The following NOVA2 variants were observed in gnomAD, a reference collection of about 807,000 sequenced individuals.
The protein encoded by NOVA2 is NOVA alternative splicing regulator 2, also known as RNA-binding protein Nova-2.
In NOVA2, 9 loss-of-function variants were observed where a neutral mutation model predicts 22.5. That is an observed-to-expected ratio of 0.40 (90% CI 0.24 to 0.70). NOVA2 has a LOEUF of 0.70. NOVA2 is among the 30% of genes least tolerant of loss of function. NOVA2 has a pLI of 0.38. For missense variants in NOVA2, 383 were observed against 682.8 expected (o/e 0.56, Z 4.89); for synonymous variants, 318 against 335.2 (o/e 0.95, Z 0.56).
At chr19:45,956,534 G>C (rs1321666935) in intron 2 of NOVA2, among the ~76,000 whole-genome samples, 1 of 151,678 alleles carries the variant, frequency 6.6e-6, no homozygotes, top group African/African-American at 2.4e-5. Flanking sequence ...GCAGCGGTGC[G>C]ATCTCAGATC....
At chr19:45,947,612 T>C (rs896019567) in intron 3 of NOVA2, among the ~76,000 whole-genome samples, 2 of 152,088 alleles carry the variant, frequency 1.3e-5, no homozygotes, top group Non-Finnish European at 2.9e-5. Context: ...TAGCTAGGAT[T>C]ACAGGCACCC....
rs1967639672 is a variant in NOVA2, at chr19:45,935,189, G to C, written c.*4674C>G. On this transcript the variant is annotated 3_prime_UTR_variant, in exon 4 of 4. Coordinates refer to ENST00000263257, the MANE Select transcript of NOVA2 (RefSeq NM_002516.4). Reference sequence around the variant, plus strand: ...AGTCCCCCCCCAGTTATCTCTGGGAGACAAGTGTCCTGGACTGGTTGAGAA... The same window carrying C: ...AGTCCCCCCCCAGTTATCTCTGGGACACAAGTGTCCTGGACTGGTTGAGAA... 6.6e-6 allele frequency: 1 copy of C among 151,906 alleles called. No individual in the cohort carries two copies. Among genetic ancestry groups the C allele is most frequent in the African/African-American group, 2.4e-5 (1 of 41,274 alleles). The allele number at this position is 151,906 out of a possible 1,614,324, so 9.4% of individuals were successfully genotyped here. A position where few individuals can be genotyped will look rare whatever the true frequency, so the allele number is the denominator to read the frequency against.
At position 45,940,417 on chromosome 19, in the gene NOVA2, G is replaced by A. The variant is rs1967731956; in HGVS notation, c.925C>T (p.Leu309=). The part of the protein sequence containing the change: ...GLNSAAASGV[L]AAVAAGANPA... ...TTGGCCCCGGCGGCCACGGCGGCCA[G>A]GACGCCGGAAGCTGCGGCCGAGTTG... The change falls in exon 4 of 4, where the codon CTG becomes TTG. Residue 309 remains leucine (L), a synonymous_variant. Coordinates refer to ENST00000263257, the MANE Select transcript of NOVA2 (RefSeq NM_002516.4). 7 of 1,481,542 alleles carry A rather than the reference G, an allele frequency of 4.7e-6. No individual in the cohort carries two copies. The highest frequency in any genetic ancestry group is 1.5e-5 in the African/African-American group (1 of 67,602). 91.8% of individuals were successfully genotyped at this position (1,481,542 alleles called of 1,614,324 possible).
At chr19:45,955,277 G>A (rs1049414116) in intron 2 of NOVA2, among the ~76,000 whole-genome samples, 7 of 152,120 alleles carry the variant, frequency 4.6e-5, no homozygotes, top group African/African-American at 1.7e-4. Flanking sequence ...TGACCAGTGT[G>A]AATATACACA....
intron 1 of NOVA2, among the ~76,000 whole-genome samples, chr19:45,969,823 T>C (rs1167921617): frequency 2.6e-5 from 4 of 152,168 alleles, no homozygotes; most frequent in Non-Finnish European, 5.9e-5. Flanking sequence ...CTTAGTGCCT[T>C]GTTTTCCTCC....
In NOVA2 at chr19:45,944,986, C is replaced by T. The variant is rs117642056; in HGVS notation, c.397-4041G>A. On this transcript the variant is annotated intron_variant, in intron 3 of 3. Coordinates refer to ENST00000263257, the MANE Select transcript of NOVA2 (RefSeq NM_002516.4). ...GAGAGGGTGAGCTGAGGTGGGAGAT[C>T]GAGGGGTCATAGCTAAGATGATCAA... Among the ~76,000 whole-genome samples the T allele has an allele frequency of 3.0e-4, 45 of 151,734 alleles. 1 individual carries two copies. In the East Asian group the frequency reaches 8.1e-3, roughly 27 times the overall value.
chr19:45,951,515 G>C (rs1239903735), intron 3 of NOVA2, among the ~76,000 whole-genome samples: 1 of 152,066 alleles, frequency 6.6e-6, no homozygotes, highest in Admixed American at 6.6e-5. Context: ...CTACTTGGGA[G>C]GCCAAGGCAG....
chr19:45,943,086 C>G (rs1466616499), intron 3 of NOVA2, among the ~76,000 whole-genome samples: 1 of 145,530 alleles, frequency 6.9e-6, no homozygotes, highest in Non-Finnish European at 1.5e-5. Flanking sequence ...CGGAGTCTCA[C>G]TGTGTCACCC....
At chr19:45,950,760 ATAC>A (rs150093903) in intron 3 of NOVA2, among the ~76,000 whole-genome samples, 3,657 of 152,256 alleles carry the variant, frequency 0.024, 103 homozygotes, top group East Asian at 0.15. Flanking sequence ...AAATTTGCAA[ATAC>A]TACTACTACC....
In NOVA2 at chr19:45,973,364, G is replaced by GGGC. The variant is rs1419691548; in HGVS notation, c.-16_-14dup. 1.0e-6 allele frequency: 1 copy of GGGC among 985,294 alleles called. No individual in the cohort carries two copies. Among genetic ancestry groups the GGGC allele is most frequent in the South Asian group, 4.5e-5 (1 of 22,188 alleles). The allele number at this position is 985,294 out of a possible 1,614,324, so 61.0% of individuals were successfully genotyped here. On this transcript the variant is annotated 5_prime_UTR_variant, in exon 1 of 4. Coordinates refer to ENST00000263257, the MANE Select transcript of NOVA2 (RefSeq NM_002516.4). ...CCTCGGGCTCCATGGGGGGGGCCTG[G>GGGC]GGCGGCGGCTGCTGCTGCTGCGGCG...
intron 2 of NOVA2, among the ~76,000 whole-genome samples, chr19:45,954,945 G>C (rs1049942202): frequency 6.6e-6 from 1 of 151,662 alleles, no homozygotes; most frequent in African/African-American, 2.4e-5. Flanking sequence ...AGAAGATAAA[G>C]TGCAGAGACT....
intron 3 of NOVA2, among the ~76,000 whole-genome samples, chr19:45,949,743 T>G (rs77415020): frequency 4.7e-5 from 7 of 149,218 alleles, no homozygotes; most frequent in African/African-American, 1.3e-4. Context: ...TAGGTTGTTT[T>G]TTTTTTTTTT....
In NOVA2 at chr19:45,938,886, C is replaced by G. The variant is rs1431591514; in HGVS notation, c.*977G>C. 6.6e-6 allele frequency: 1 copy of G among 152,198 alleles called. No individual in the cohort carries two copies. Among genetic ancestry groups the G allele is most frequent in the Non-Finnish European group, 1.5e-5 (1 of 68,056 alleles). 9.4% of individuals were successfully genotyped at this position (152,198 alleles called of 1,614,324 possible). The stretch of plus-strand genomic sequence containing the variant: ...CCTCTAGGCATCACCGGAAGTACAC[C>G]TTCCCATGATATCACCAAAGTGACC... On this transcript the variant is annotated 3_prime_UTR_variant, in exon 4 of 4. Transcript: ENST00000263257.
chr19:45,951,639 A>G (rs1233530713), intron 3 of NOVA2, among the ~76,000 whole-genome samples: 3 of 14,496 alleles, frequency 2.1e-4, no homozygotes, highest in Non-Finnish European at 3.0e-4. Flanking sequence ...AAAAGAAAAG[A>G]AAAAAAAATT....
chr19:45,969,499 C>A (rs1050867833), intron 1 of NOVA2, among the ~76,000 whole-genome samples: 5 of 118,342 alleles, frequency 4.2e-5, no homozygotes, highest in African/African-American at 1.7e-4. Context: ...CAGAGTGAGA[C>A]CCTGTCTCAG....
At chr19:45,950,777 A>G (rs1171565629) in intron 3 of NOVA2, among the ~76,000 whole-genome samples, 1 of 152,170 alleles carries the variant, frequency 6.6e-6, no homozygotes, top group Non-Finnish European at 1.5e-5. Context: ...TACTACCACC[A>G]CCAACAATAA....
At chr19:45,943,521 C>T (rs750233524) in intron 3 of NOVA2, among the ~76,000 whole-genome samples, 24 of 151,318 alleles carry the variant, frequency 1.6e-4, no homozygotes, top group Admixed American at 8.5e-4. Context: ...GTAGACCTGC[C>T]TGGGTAACAT....
Position 45,961,001 on chromosome 19 carries a change from G to C in NOVA2, c.229+9C>G. Reference sequence around the variant, plus strand: ...GGGGCCTAGGGCAGAGACCTGGGCCGGGGCTCACCGGGGTAGAAGTCTTTG... The same window carrying C: ...GGGGCCTAGGGCAGAGACCTGGGCCCGGGCTCACCGGGGTAGAAGTCTTTG... On this transcript the variant is annotated intron_variant, in intron 2 of 3. Transcript: ENST00000263257. 1 of 1,569,060 alleles carries C rather than the reference G, an allele frequency of 6.4e-7. No individual in the cohort carries two copies.
At chr19:45,947,880 A>G (rs550604599) in intron 3 of NOVA2, among the ~76,000 whole-genome samples, 103 of 152,254 alleles carry the variant, frequency 6.8e-4, no homozygotes, top group African/African-American at 2.5e-3. Flanking sequence ...CTGTGCATAC[A>G]AATCCCTGAA....
Sources: allele counts gnomAD v4.1 joint callset (sites outside exome capture counted in the v4.1 genomes callset), GRCh38; gene constraint gnomAD v4.1.1; transcripts MANE v1.5; gene names NCBI Gene and HGNC (gene_info 2026-07-23, HGNC 2026-07-21).